RBFOX3: variants seen among roughly 807,000 people sequenced by gnomAD.
RBFOX3 encodes the protein RNA binding protein fox-1 homolog 3.
In RBFOX3, 17 loss-of-function variants were observed where a neutral mutation model predicts 48.7. The ratio of observed to expected loss-of-function variants is 0.35; its 90% CI spans 0.24 to 0.52. The LOEUF (loss-of-function observed/expected upper bound fraction) is 0.52, where lower values mean the gene tolerates loss of function less well. Ranked by LOEUF, RBFOX3 falls within the 20% of genes least tolerant of loss-of-function variation. The pLI is 0.94. For missense variants in RBFOX3, 382 were observed against 497.5 expected, an observed-to-expected ratio of 0.77 and a Z score of 2.21; for synonymous variants, 212 against 209.5, an observed-to-expected ratio of 1.01 and a Z score of -0.10.
intron 2 of RBFOX3, among the ~76,000 whole-genome samples, chr17:79,459,911 G>A (rs1443966719): frequency 6.6e-6 from 1 of 152,198 alleles, no homozygotes; most frequent in Non-Finnish European, 1.5e-5. Flanking sequence ...AACGTCCCTT[G>A]ATGGTTGAAT....
chr17:79,289,788 TC>T (rs2072865355), intron 3 of RBFOX3, among the ~76,000 whole-genome samples: 1 of 152,260 alleles, frequency 6.6e-6, no homozygotes, highest in Non-Finnish European at 1.5e-5. Flanking sequence ...AGGGGATAGT[TC>T]AACTCTAAAT....
chr17:79,399,694 C>G (rs533270008), intron 2 of RBFOX3, among the ~76,000 whole-genome samples: 1 of 152,318 alleles, frequency 6.6e-6, no homozygotes, highest in Admixed American at 6.5e-5. Context: ...TTATGAAAAC[C>G]TGTTTTTAAA....
In RBFOX3 at chr17:79,111,232, G is replaced by A. The variant is rs1479001390; in HGVS notation, c.222+4262C>T. On this transcript the variant is annotated intron_variant, in intron 5 of 14. Coordinates refer to ENST00000693108, the MANE Select transcript of RBFOX3 (RefSeq NM_001350451.2). This position sits in a 1 kb window ranked among gnomAD's most constrained non-coding sequence, Gnocchi z 4.2. ...CTATGCCTGCAGTGAAGCCAGGGGT[G>A]CAGAGCCCAGGTCCCCAGCAGGCAG... Among the ~76,000 whole-genome samples, 1 of 152,202 alleles carries A rather than the reference G, an allele frequency of 6.6e-6. No individual in the cohort carries two copies. Among genetic ancestry groups the A allele is most frequent in the African/African-American group, 2.4e-5 (1 of 41,458 alleles).
chr17:79,242,831 C>T lies in RBFOX3; in HGVS notation c.-73-7026G>A, dbSNP rs1347946285. On this transcript the variant is annotated intron_variant, in intron 3 of 14. Transcript: ENST00000693108. The surrounding 1 kb of genome is among the most constrained non-coding windows in gnomAD (Gnocchi z 5.8). The stretch of plus-strand genomic sequence containing the variant: ...CGTGCTCAGAGCAGTTTTGCCTCCT[C>T]TCCCAGGAAGCCCGGGCAGGGCTCC... Among the ~76,000 whole-genome samples, 2 of 152,188 alleles carry T rather than the reference C, an allele frequency of 1.3e-5. No homozygotes were observed. Among genetic ancestry groups the T allele is most frequent in the Admixed American group, 6.5e-5 (1 of 15,286 alleles).
rs1285546615 is a variant in RBFOX3 at position 79,277,301 on chromosome 17, G to T, written c.-74+30423C>A. Among the ~76,000 whole-genome samples the T allele has an allele frequency of 1.0e-4, 9 of 88,344 alleles. No individual in the cohort carries two copies. In the Admixed American group the frequency reaches 1.2e-3, roughly 11 times the overall value. 58.0% of individuals were successfully genotyped at this position (88,344 alleles called of 152,430 possible). A position where few individuals can be genotyped will look rare whatever the true frequency, so the allele number is the denominator to read the frequency against. ...AGGCCTCCAAGGATTCCAATGGTGGGGAGGGGGGGGGTAGTGCTGCTCGAC... is the reference window on the plus strand; with the variant it reads ...AGGCCTCCAAGGATTCCAATGGTGGTGAGGGGGGGGGTAGTGCTGCTCGAC... On this transcript the variant is annotated intron_variant, in intron 3 of 14. Coordinates refer to ENST00000693108, the MANE Select transcript of RBFOX3 (RefSeq NM_001350451.2).
rs55731401 is a variant in RBFOX3, at chr17:79,284,543, C to CTTTTT, written c.-74+23176_-74+23180dup. 2.9e-5 allele frequency among the ~76,000 whole-genome samples: 4 copies of CTTTTT among 135,782 alleles called. 1 individual carries two copies. Among genetic ancestry groups the CTTTTT allele is most frequent in the Non-Finnish European group, 6.2e-5 (4 of 64,612 alleles). The allele number at this position is 135,782 out of a possible 152,430, so 89.1% of individuals were successfully genotyped here. On this transcript the variant is annotated intron_variant, in intron 3 of 14. Coordinates refer to ENST00000693108, the MANE Select transcript of RBFOX3 (RefSeq NM_001350451.2). ...AAGCAGGCTTGGGGGAAGAGACTCG[C>CTTTTT]TTTTTTTTTTTGACATGGAGTTTTG...
chr17:79,141,684 T>C (rs1035175309), intron 4 of RBFOX3, among the ~76,000 whole-genome samples: 43 of 152,076 alleles, frequency 2.8e-4, no homozygotes, highest in African/African-American at 1.0e-3. Flanking sequence ...CCTCGGTAAG[T>C]CCTTCACCTC....
intron 2 of RBFOX3, among the ~76,000 whole-genome samples, chr17:79,478,379 T>A (rs1399681374): frequency 3.3e-5 from 5 of 152,236 alleles, no homozygotes; most frequent in Middle Eastern, 3.4e-3. Context: ...CTCAGCCCCA[T>A]GGCGTGTGCG....
At chr17:79,319,121 C>T (rs547024156) in intron 2 of RBFOX3, among the ~76,000 whole-genome samples, 2 of 152,240 alleles carry the variant, frequency 1.3e-5, no homozygotes, top group East Asian at 1.9e-4. Context: ...TTCCCGGAGG[C>T]AGCCCACTGG....
chr17:79,166,675 G>A (rs1164861183), intron 4 of RBFOX3, among the ~76,000 whole-genome samples: 1 of 151,962 alleles, frequency 6.6e-6, no homozygotes, highest in Admixed American at 6.6e-5. Flanking sequence ...CCACCTGGCC[G>A]AGGGAAGCCC....
chr17:79,403,737 C>T (rs1366617277), intron 2 of RBFOX3, among the ~76,000 whole-genome samples: 4 of 151,968 alleles, frequency 2.6e-5, no homozygotes, highest in African/African-American at 7.2e-5. Flanking sequence ...GCCCAGGCCC[C>T]GTCCTCTCAG....
At chr17:79,397,613 G>C (rs2062186406) in intron 2 of RBFOX3, among the ~76,000 whole-genome samples, 1 of 149,332 alleles carries the variant, frequency 6.7e-6, no homozygotes, top group African/African-American at 2.4e-5. Flanking sequence ...CTTCGGGCCA[G>C]GTGAGCTGGC....
At chr17:79,655,363 A>AC in the RBFOX3 span, among the ~76,000 whole-genome samples, 1 of 152,218 alleles carries the variant, frequency 6.6e-6, no homozygotes, top group Admixed American at 6.5e-5. Context: ...CCACGTTCCC[A>AC]CCCCCCAGAG....
intron 3 of RBFOX3, among the ~76,000 whole-genome samples, chr17:79,287,461 C>T (rs140029682): frequency 1.3e-5 from 2 of 152,094 alleles, no homozygotes; most frequent in South Asian, 2.1e-4. Context: ...TTGTCACATA[C>T]GCCTTGACCT....
the RBFOX3 span, among the ~76,000 whole-genome samples, chr17:79,633,276 C>T: frequency 2.6e-5 from 4 of 152,264 alleles, no homozygotes; most frequent in African/African-American, 9.6e-5. Flanking sequence ...CAGAAGACTC[C>T]CTGGAGAGCT....
chr17:79,527,472 C>T (rs1000287586), intron 1 of RBFOX3, among the ~76,000 whole-genome samples: 3 of 152,220 alleles, frequency 2.0e-5, no homozygotes, highest in Non-Finnish European at 4.4e-5. Context: ...CTCAGCTACT[C>T]GATGGGCTTT....
chr17:79,490,181 T>C (rs1844538018), intron 1 of RBFOX3, among the ~76,000 whole-genome samples: 1 of 152,246 alleles, frequency 6.6e-6, no homozygotes, highest in African/African-American at 2.4e-5. Context: ...GTGACAATTT[T>C]ACTGTAGCTA....
At chr17:79,611,200 TCTCTCTCTCTCTCG>T (rs2093966478), upstream of RBFOX3, among the ~76,000 whole-genome samples, 1 of 126,174 alleles carries the variant, frequency 7.9e-6, no homozygotes, top group African/African-American at 3.1e-5. Flanking sequence ...TCTCTCTCTC[TCTCTCTCTCTCTCG>T]TTCCTCTGGC....
At chr17:79,218,610 AC>A (rs2059351227) in intron 4 of RBFOX3, among the ~76,000 whole-genome samples, 1 of 152,000 alleles carries the variant, frequency 6.6e-6, no homozygotes, top group South Asian at 2.1e-4. Flanking sequence ...GCCCCCTCCC[AC>A]CTCTGAAGGG....
Sources: gnomAD v4.1 joint callset for allele counts (sites outside exome capture counted in the v4.1 genomes callset) on GRCh38, gnomAD v4.1.1 for gene constraint, Gnocchi (gnomAD v3.1) non-coding constraint, MANE v1.5 for transcripts, NCBI Gene and HGNC (gene_info 2026-07-23, HGNC 2026-07-21) for gene names.